UQCRC1: variants seen among roughly 807,000 people sequenced by gnomAD.
The protein encoded by UQCRC1 is cytochrome b-c1 complex subunit 1, mitochondrial.
Under a neutral mutation model 58.0 loss-of-function variants are expected in UQCRC1, and 34 were observed. The observed-to-expected ratio is 0.59, with a 90% CI of 0.45 to 0.78. The LOEUF is 0.78. Ranked by LOEUF, UQCRC1 falls within the 30% of genes least tolerant of loss-of-function variation. UQCRC1 has a pLI of 0.00. For synonymous variants in UQCRC1, 276 were observed against 248.8 expected, an observed-to-expected ratio of 1.11 and a Z score of -1.03; for missense variants, 610 against 646.0, an observed-to-expected ratio of 0.94 and a Z score of 0.60.
chr3:48,599,388 A>C, intron 12 of UQCRC1, 196 bp from the exon 13 acceptor site: 1 of 717,532 alleles, frequency 1.4e-6, no homozygotes, highest in Non-Finnish European at 2.3e-6. Flanking sequence ...CCCACCCCAC[A>C]TGGAGGTGCC....
chr3:48,599,797 C>G, intron 11 of UQCRC1, 87 bp from the exon 12 acceptor site: 2 of 1,397,598 alleles, frequency 1.4e-6, no homozygotes, highest in Non-Finnish European at 2.0e-6. Flanking sequence ...GCAGAGATCT[C>G]CCACAGGCAG....
chr3:48,601,066 T>G lies in UQCRC1; in HGVS notation c.875A>C (p.Glu292Ala). The G allele has an allele frequency of 6.2e-7, 1 of 1,609,706 alleles. No homozygotes were observed. Among genetic ancestry groups the G allele is most frequent in the Non-Finnish European group, 8.5e-7 (1 of 1,176,396 alleles). ...GTCCGGGCTGGCCCAGCCAGGACCC[T>G]CTACTGCAATGGCCACGTGGGCAAA... Reference protein sequence around the residue: ...LPFAHVAIAVEGPGWASPDNV... With the variant: ...LPFAHVAIAVAGPGWASPDNV... Residue 292 changes from glutamate (E) to alanine (A), a missense_variant, in exon 8 of 13, where the codon GAG (glutamate) becomes GCG (alanine). Glu to Ala is a moderately radical substitution (Grantham distance 107). Coordinates refer to ENST00000203407, the MANE Select transcript of UQCRC1 (RefSeq NM_003365.3).
In UQCRC1 at chr3:48,609,266, C is replaced by T. The variant is rs775923134; in HGVS notation, c.106G>A (p.Ala36Thr). The T allele has an allele frequency of 2.5e-6, 4 of 1,610,932 alleles. No individual in the cohort carries two copies. The highest frequency in any genetic ancestry group is 3.4e-6 in the Non-Finnish European group (4 of 1,178,172). Reference protein sequence around the residue: ...LLRTPALRSTATFAQALQFVP... With the variant: ...LLRTPALRSTTTFAQALQFVP... ...AACTGGAGCGCCTGAGCGAAGGTTG[C>T]CGTACTCCGCAAGGCTGGCGTCCGC... The change falls in exon 2 of 13, where the codon GCA (alanine) becomes ACA (threonine). Residue 36 changes from alanine (A) to threonine (T), a missense_variant. By Grantham distance (58) the Ala-to-Thr change is moderately conservative. Coordinates refer to ENST00000203407, the MANE Select transcript of UQCRC1 (RefSeq NM_003365.3).
chr3:48,599,287 G>A, intron 12 of UQCRC1, 95 bp from the exon 13 acceptor site: 1 of 1,357,228 alleles, frequency 7.4e-7, no homozygotes, highest in Admixed American at 2.2e-5. Context: ...GCTGCCCAGA[G>A]CAGCACAAGA....
At chr3:48,606,290 A>C in intron 2 of UQCRC1, among the ~76,000 whole-genome samples, 1 of 152,254 alleles carries the variant, frequency 6.6e-6, no homozygotes, top group East Asian at 1.9e-4. Context: ...TTCATCATTA[A>C]GGAAGGGACT....
chr3:48,599,988 C>T, intron 11 of UQCRC1, 75 bp downstream of exon 11: 9 of 1,575,120 alleles, frequency 5.7e-6, no homozygotes, highest in Non-Finnish European at 7.8e-6. Context: ...CTGCGCTATG[C>T]CAGGCCCCAA....
intron 2 of UQCRC1, among the ~76,000 whole-genome samples, chr3:48,607,342 A>G (rs2046423661): frequency 6.6e-6 from 1 of 151,988 alleles, no homozygotes; most frequent in African/African-American, 2.4e-5. Flanking sequence ...CGTCTAGCCT[A>G]ATTTTTGTAT....
chr3:48,609,170 T>C lies in UQCRC1; in HGVS notation c.202A>G (p.Thr68Ala), dbSNP rs760591212. The C allele has an allele frequency of 1.2e-6, 2 of 1,607,132 alleles. No homozygotes were observed. Among genetic ancestry groups the C allele is most frequent in the Admixed American group, 3.3e-5 (2 of 59,794 alleles). The part of the protein sequence containing the change: ...RVASEQSSQP[T>A]CTVGVWIDVG... Reference sequence around the variant, plus strand: ...AAGCGTCCCCAACTCACCGTGCAAGTGGGCTGAGAGGACTGCTCGGAGGCC... The same window carrying C: ...AAGCGTCCCCAACTCACCGTGCAAGCGGGCTGAGAGGACTGCTCGGAGGCC... Residue 68 changes from threonine (T) to alanine (A), a missense_variant, in exon 2 of 13, where the codon ACT becomes GCT. Thr to Ala is a moderately conservative substitution (Grantham distance 58). Coordinates refer to ENST00000203407, the MANE Select transcript of UQCRC1 (RefSeq NM_003365.3).
At chr3:48,601,952 A>G (rs2046369928) in intron 6 of UQCRC1, among the ~76,000 whole-genome samples, 1 of 151,874 alleles carries the variant, frequency 6.6e-6, no homozygotes, top group South Asian at 2.1e-4. Flanking sequence ...AGCTGGGGAC[A>G]TTTGCAAATA....
intron 2 of UQCRC1, among the ~76,000 whole-genome samples, chr3:48,606,328 A>G (rs2046412184): frequency 6.6e-6 from 1 of 152,242 alleles, no homozygotes; most frequent in Non-Finnish European, 1.5e-5. Context: ...ATTTTATCAC[A>G]CTAAATATTG....
Position 48,599,069 on chromosome 3 carries a change from G to A in UQCRC1, c.*59C>T. 1 of 1,594,198 alleles carries A rather than the reference G, an allele frequency of 6.3e-7. No individual in the cohort carries two copies. Among genetic ancestry groups the A allele is most frequent in the Non-Finnish European group, 8.6e-7 (1 of 1,165,412 alleles). On this transcript the variant is annotated 3_prime_UTR_variant, in exon 13 of 13. Coordinates refer to ENST00000203407, the MANE Select transcript of UQCRC1 (RefSeq NM_003365.3). ...TTAGAGGAGCCGAAGTGCTGTGTTTGTGGTGGGGGGGGGACCACAAACCCC... is the reference window on the plus strand; with the variant it reads ...TTAGAGGAGCCGAAGTGCTGTGTTTATGGTGGGGGGGGGACCACAAACCCC...
At chr3:48,601,601 G>C (rs970041576) in intron 6 of UQCRC1, 134 bp from the exon 7 acceptor site, 2 of 817,660 alleles carry the variant, frequency 2.4e-6, no homozygotes, top group African/African-American at 3.4e-5. Flanking sequence ...TTAGAACAGG[G>C]TGAGGAAAGA....
chr3:48,606,879 T>C (rs535321348), intron 2 of UQCRC1, among the ~76,000 whole-genome samples: 39 of 152,256 alleles, frequency 2.6e-4, no homozygotes, highest in African/African-American at 7.2e-4. Context: ...TTTTTTTTTT[T>C]TGACATGGAG....
rs767697688 is a variant in UQCRC1, at chr3:48,600,057, T to C, written c.1302+6A>G. ...CTCCAGAACCTCTCCCAGGGGTCCA[T>C]GTTACCGCAATCCGGCTTTCCCATT... On this transcript the variant is annotated splice_donor_region_variant and intron_variant, in intron 11 of 12. Transcript: ENST00000203407. The C allele has an allele frequency of 1.4e-5, 22 of 1,614,130 alleles. No individual in the cohort carries two copies. The East Asian group carries it at 1.8e-4, about 13-fold the overall frequency.
rs1321977477 is a variant in UQCRC1 at position 48,601,062 on chromosome 3, A to G, written c.879T>C (p.Gly293=). ...PFAHVAIAVE[G]PGWASPDNVA... ...CATTGTCCGGGCTGGCCCAGCCAGGACCCTCTACTGCAATGGCCACGTGGG... is the reference window on the plus strand; with the variant it reads ...CATTGTCCGGGCTGGCCCAGCCAGGGCCCTCTACTGCAATGGCCACGTGGG... The change falls in exon 8 of 13, where the codon GGT becomes GGC. Residue 293 remains glycine (G), a synonymous_variant. Transcript: ENST00000203407. The G allele has an allele frequency of 6.2e-7, 1 of 1,608,562 alleles. No individual in the cohort carries two copies. The highest frequency in any genetic ancestry group is 1.3e-5 in the African/African-American group (1 of 74,362).
intron 12 of UQCRC1, 146 bp from the exon 13 acceptor site, chr3:48,599,338 G>A: frequency 1.0e-6 from 1 of 977,494 alleles, no homozygotes; most frequent in Non-Finnish European, 1.5e-6. Context: ...ATTCCCCCAG[G>A]GGTGCTGAGC....
chr3:48,601,179 G>A lies in UQCRC1; in HGVS notation c.823-61C>T, dbSNP rs1377978687. 1.9e-6 allele frequency: 3 copies of A among 1,563,962 alleles called. No individual in the cohort carries two copies. The African/African-American group carries it at 4.1e-5, about 21-fold the overall frequency. On this transcript the variant is annotated intron_variant, in intron 7 of 12. Transcript: ENST00000203407. The stretch of plus-strand genomic sequence containing the variant: ...GACTGCCAGGGGAACAGAAAAGGTG[G>A]CAGGTGTGGGTAGAGGGTGTATGTG...
intron 3 of UQCRC1, 120 bp downstream of exon 3, chr3:48,605,650 C>G: frequency 1.0e-6 from 1 of 1,000,196 alleles, no homozygotes; most frequent in Non-Finnish European, 1.5e-6. Flanking sequence ...TTTAGGAAAG[C>G]CAGCCAGACA....
Position 48,599,131 on chromosome 3 carries a change from G to T in UQCRC1, c.1440C>A (p.Phe480Leu). The T allele has an allele frequency of 6.2e-7, 1 of 1,612,138 alleles. No individual in the cohort carries two copies. Among genetic ancestry groups the T allele is most frequent in the Non-Finnish European group, 8.5e-7 (1 of 1,178,908 alleles). The change falls in exon 13 of 13, where the codon TTC becomes TTA. Residue 480 changes from phenylalanine (F) to leucine (L), a missense_variant. Phe to Leu is a conservative substitution (Grantham distance 22, BLOSUM62 0). Coordinates refer to ENST00000203407, the MANE Select transcript of UQCRC1 (RefSeq NM_003365.3). ...RIRSGMFWLRF is the reference protein window; with the variant it reads ...RIRSGMFWLRL ...CTTGCTTACATAGGCTTCCCGCCTA[G>T]AAGCGCAGCCAGAACATGCCGCTAC...
Sources: allele counts gnomAD v4.1 joint callset (sites outside exome capture counted in the v4.1 genomes callset), GRCh38; gene constraint gnomAD v4.1.1; transcripts MANE v1.5; gene names NCBI Gene and HGNC (gene_info 2026-07-23, HGNC 2026-07-21).